The following HIVEP2 variants were observed in gnomAD, a reference collection of about 807,000 sequenced individuals.
HIVEP2 encodes the protein transcription factor HIVEP2.
Under a neutral mutation model 180.7 loss-of-function variants are expected in HIVEP2, and 14 were observed. That is an observed-to-expected ratio of 0.08 (90% CI 0.05 to 0.12). The LOEUF (loss-of-function observed/expected upper bound fraction) is 0.12. HIVEP2 is among the 10% of genes least tolerant of loss of function. The pLI, the probability that HIVEP2 is intolerant of heterozygous loss-of-function variation, is 1.00. For missense variants in HIVEP2, 2,579 were observed against 3,008.5 expected, an observed-to-expected ratio of 0.86 and a Z score of 3.34; for synonymous variants, 1,184 against 1,136.4, an observed-to-expected ratio of 1.04 and a Z score of -0.84.
intron 6 of HIVEP2, among the ~76,000 whole-genome samples, chr6:142,767,319 C>A (rs1775402662): frequency 6.6e-6 from 1 of 152,166 alleles, no homozygotes; most frequent in Admixed American, 6.5e-5. Flanking sequence ...AGACAAGCTT[C>A]ATGACTACAT....
At position 142,836,537 on chromosome 6, in the gene HIVEP2, C is replaced by T. The variant is rs542708636; in HGVS notation, c.-528+398G>A. On this transcript the variant is annotated intron_variant, in intron 2 of 9. Transcript: ENST00000367603. The stretch of plus-strand genomic sequence containing the variant: ...GAATGGTTTAAAATACAGAAAGATG[C>T]TAATTTACTTCAAATGTTCATTACA... Among the ~76,000 whole-genome samples the T allele has an allele frequency of 3.9e-5, 6 of 152,184 alleles. No homozygotes were observed. In the East Asian group the frequency reaches 9.6e-4, roughly 24 times the overall value.
intron 2 of HIVEP2, among the ~76,000 whole-genome samples, chr6:142,803,566 T>TACACACACACACGCAC (rs1554211945): frequency 7.1e-6 from 1 of 141,640 alleles, no homozygotes; most frequent in Non-Finnish European, 1.5e-5. Context: ...ATATATAGCA[T>TACACACACACACGCAC]ACACACACAC....
chr6:142,839,266 G>A (rs1018726196), intron 1 of HIVEP2, among the ~76,000 whole-genome samples: 2 of 151,960 alleles, frequency 1.3e-5, no homozygotes, highest in South Asian at 2.1e-4. Flanking sequence ...GCCTACAATC[G>A]CTACACCATA....
At position 142,771,581 on chromosome 6, in the gene HIVEP2, T is replaced by A. The variant is rs1289340735; in HGVS notation, c.3158A>T (p.Tyr1053Phe). ...CACAGGAGCATGGGACAGATTCCCA[T>A]AATCAAATGATTTGCTCCGAACTTC... ...VPEVRSKSFD[Y>F]GNLSHAPVSG... is the part of the protein sequence containing the mutation. The change falls in exon 5 of 10, where the codon TAT (tyrosine) becomes TTT (phenylalanine). Residue 1053 changes from tyrosine to phenylalanine, a missense_variant. This residue lies in a region of HIVEP2 where 523 missense variants were observed against 577.0 expected (regional missense o/e 0.91). Coordinates refer to ENST00000367603, the MANE Select transcript of HIVEP2 (RefSeq NM_006734.4). The surrounding 1 kb of genome is among the most constrained non-coding windows in gnomAD (Gnocchi z 5.4). 1 of 1,614,092 alleles carries A rather than the reference T, an allele frequency of 6.2e-7. No homozygotes were observed. Among genetic ancestry groups the A allele is most frequent in the Non-Finnish European group, 8.5e-7 (1 of 1,180,024 alleles).
In HIVEP2 at chr6:142,933,156, G is replaced by A. The variant is rs201263022; in HGVS notation, c.-641+11943C>T. ...GGAACAGGTTGCACTAAATAAGGAAGCAGTCATTTGCATGTTCCAAAAGAA... is the reference window on the plus strand; with the variant it reads ...GGAACAGGTTGCACTAAATAAGGAAACAGTCATTTGCATGTTCCAAAAGAA... On this transcript the variant is annotated intron_variant, in intron 1 of 9. Coordinates refer to ENST00000367603, the MANE Select transcript of HIVEP2 (RefSeq NM_006734.4). Among the ~76,000 whole-genome samples, 26 of 152,294 alleles carry A rather than the reference G, an allele frequency of 1.7e-4. No homozygotes were observed. In the East Asian group the frequency reaches 3.5e-3, roughly 20 times the overall value.
At chr6:142,778,406 A>C (rs1017634328) in intron 3 of HIVEP2, among the ~76,000 whole-genome samples, 2 of 152,200 alleles carry the variant, frequency 1.3e-5, no homozygotes, top group African/African-American at 4.8e-5. Context: ...AGAGGTAAAT[A>C]AATACCCTCT....
chr6:142,871,679 T>C (rs1172444952), intron 1 of HIVEP2, among the ~76,000 whole-genome samples: 1 of 151,976 alleles, frequency 6.6e-6, no homozygotes, highest in Non-Finnish European at 1.5e-5. Flanking sequence ...TAATACCCTA[T>C]TTGGCCCCCA....
chr6:142,883,124 G>A (rs1582939174), intron 1 of HIVEP2, among the ~76,000 whole-genome samples: 2 of 151,796 alleles, frequency 1.3e-5, no homozygotes, highest in Non-Finnish European at 2.9e-5. Flanking sequence ...CATCATACAC[G>A]GATAGCATTC....
chr6:142,871,982 A>C (rs1562273364), intron 1 of HIVEP2, among the ~76,000 whole-genome samples: 1 of 152,168 alleles, frequency 6.6e-6, no homozygotes, highest in Non-Finnish European at 1.5e-5. Flanking sequence ...AGCCCAGAGT[A>C]ACACACAGGG....
chr6:142,791,859 T>A (rs1455216395), intron 2 of HIVEP2, among the ~76,000 whole-genome samples: 1 of 152,012 alleles, frequency 6.6e-6, no homozygotes, highest in Non-Finnish European at 1.5e-5. Flanking sequence ...GTCTAATGAG[T>A]AAGGAAAACA....
intron 1 of HIVEP2, among the ~76,000 whole-genome samples, chr6:142,928,771 A>G (rs1397792420): frequency 6.6e-6 from 1 of 152,240 alleles, no homozygotes; most frequent in African/African-American, 2.4e-5. Context: ...TAGCATAGCT[A>G]GTCTTTCAAT....
intron 1 of HIVEP2, among the ~76,000 whole-genome samples, chr6:142,849,772 G>A (rs1775603103): frequency 6.6e-6 from 1 of 152,064 alleles, no homozygotes; most frequent in African/African-American, 2.4e-5. Flanking sequence ...GATTGCCTTG[G>A]CCTCCCTAAG....
chr6:142,890,932 T>C (rs1460934334), intron 1 of HIVEP2, among the ~76,000 whole-genome samples: 1 of 152,194 alleles, frequency 6.6e-6, no homozygotes, highest in Non-Finnish European at 1.5e-5. Flanking sequence ...ACTGTAATAT[T>C]AGTCATTACC....
chr6:142,901,543 C>T (rs968997792), intron 1 of HIVEP2, among the ~76,000 whole-genome samples: 1 of 152,148 alleles, frequency 6.6e-6, no homozygotes, highest in African/African-American at 2.4e-5. Flanking sequence ...AATTTCCTAG[C>T]ACAACCTCAA....
intron 2 of HIVEP2, among the ~76,000 whole-genome samples, chr6:142,832,585 C>T (rs145533632): frequency 1.2e-3 from 180 of 152,198 alleles, no homozygotes; most frequent in African/African-American, 4.2e-3. Context: ...ATTAAGAAAG[C>T]GAATTTTTCT....
chr6:142,799,788 T>G (rs1047193644), intron 2 of HIVEP2, among the ~76,000 whole-genome samples: 1 of 152,162 alleles, frequency 6.6e-6, no homozygotes, highest in Non-Finnish European at 1.5e-5. Context: ...TGGGCTAAGA[T>G]GCAGTTAGTC....
At chr6:142,935,408 G>C (rs1336728379) in intron 1 of HIVEP2, among the ~76,000 whole-genome samples, 4 of 152,194 alleles carry the variant, frequency 2.6e-5, no homozygotes. Flanking sequence ...AATTAGCTCA[G>C]TATGGTGGCA....
At chr6:142,922,542 T>A (rs1044664898) in intron 1 of HIVEP2, among the ~76,000 whole-genome samples, 1 of 152,218 alleles carries the variant, frequency 6.6e-6, no homozygotes, top group African/African-American at 2.4e-5. Context: ...TTACATATAT[T>A]AGTACACTTA....
At chr6:142,797,574 C>T (rs993579053) in intron 2 of HIVEP2, among the ~76,000 whole-genome samples, 1 of 152,188 alleles carries the variant, frequency 6.6e-6, no homozygotes, top group Non-Finnish European at 1.5e-5. Context: ...GGACAAAATA[C>T]CCCCTTATTC....
Sources: allele counts gnomAD v4.1 joint callset (sites outside exome capture counted in the v4.1 genomes callset), GRCh38; gene constraint gnomAD v4.1.1; regional missense constraint gnomAD v4.1.1; non-coding constraint Gnocchi (gnomAD v3.1); transcripts MANE v1.5; gene names NCBI Gene and HGNC (gene_info 2026-07-23, HGNC 2026-07-21).